FLT4: variants seen among roughly 807,000 people sequenced by gnomAD.
FLT4 encodes the protein vascular endothelial growth factor receptor 3.
A neutral mutation model predicts 163.2 loss-of-function variants in FLT4; 30 were observed. The ratio of observed to expected loss-of-function variants is 0.18; its 90% CI spans 0.14 to 0.25. The LOEUF (loss-of-function observed/expected upper bound fraction) is 0.25, where lower values mean the gene tolerates loss of function less well. Ranked by LOEUF, FLT4 falls within the 10% of genes least tolerant of loss-of-function variation. The pLI is 1.00. For synonymous variants in FLT4, 884 were observed against 789.5 expected, an observed-to-expected ratio of 1.12 and a Z score of -2.01; for missense variants, 1,510 against 1,863.8, an observed-to-expected ratio of 0.81 and a Z score of 3.50.
intron 8 of FLT4, among the ~76,000 whole-genome samples, chr5:180,627,985 C>T (rs905065536): frequency 6.6e-6 from 1 of 152,108 alleles, no homozygotes; most frequent in Non-Finnish European, 1.5e-5. Context: ...GAGAGACGAG[C>T]CCCCAGCCAG....
At chr5:180,622,626 G>A in intron 12 of FLT4, 105 bp downstream of exon 12, 1 of 741,806 alleles carries the variant, frequency 1.3e-6, no homozygotes. Context: ...GTAGGCCTTG[G>A]ATCTCTCTCC....
rs748147847 is a variant in FLT4, at chr5:180,619,378, A to G, written c.2648-12T>C. ...GGCCGTGGCGCCCTCTGGAGGGGAC[A>G]CGGGCCTCACACCGGCCCCGACCCT... On this transcript the variant is annotated splice_polypyrimidine_tract_variant and intron_variant, in intron 18 of 29. Transcript: ENST00000261937. 2.0e-5 allele frequency: 32 copies of G among 1,592,750 alleles called. No individual in the cohort carries two copies. The highest frequency in any genetic ancestry group is 2.6e-5 in the Non-Finnish European group (30 of 1,167,280).
Position 180,603,671 on chromosome 5 carries a change from G to A in FLT4, c.3894-281C>T, listed in dbSNP as rs559013138. ...AATCCCAGCACTTTGCTGGGAGACC[G>A]AGGCGGGCGGATCACGAGGTCAGGA... On this transcript the variant is annotated intron_variant, in intron 29 of 29. Transcript: ENST00000261937. Among the ~76,000 whole-genome samples the A allele has an allele frequency of 9.7e-4, 148 of 152,296 alleles. No homozygotes were observed. The South Asian group carries it at 0.011, about 12-fold the overall frequency.
intron 1 of FLT4, among the ~76,000 whole-genome samples, chr5:180,641,249 C>T (rs1048459137): frequency 4.6e-5 from 7 of 152,210 alleles, no homozygotes; most frequent in African/African-American, 1.4e-4. Flanking sequence ...AGTCATCAAG[C>T]GGCTCCTGGG....
intron 11 of FLT4, 97 bp from the exon 12 acceptor site, chr5:180,622,936 C>G (rs1175014547): frequency 3.8e-6 from 3 of 784,454 alleles, no homozygotes; most frequent in African/African-American, 3.5e-5. Flanking sequence ...CCACCCCCCC[C>G]AATCATGGGG....
intron 22 of FLT4, 38 bp downstream of exon 22, chr5:180,616,861 AC>A (rs747271494): frequency 6.6e-7 from 1 of 1,514,436 alleles, no homozygotes; most frequent in Non-Finnish European, 9.2e-7. Context: ...GTGGGGATGC[AC>A]CCTTTTCCCG....
Position 180,618,696 on chromosome 5 carries a change from G to A in FLT4, c.3001+74C>T, listed in dbSNP as rs1033737444. 1.2e-5 allele frequency: 4 copies of A among 339,340 alleles called. No individual in the cohort carries two copies. The Admixed American group carries it at 2.6e-4, about 22-fold the overall frequency. The allele number at this position is 339,340 out of a possible 1,614,324, so 21.0% of individuals were successfully genotyped here. A position where few individuals can be genotyped will look rare whatever the true frequency, so the allele number is the denominator to read the frequency against. ...ATGAAAGCCCCCGCTGAGGACCCCA[G>A]GCTGGGGTGCCTGATCACGGGATAT... On this transcript the variant is annotated intron_variant, in intron 21 of 29. Coordinates refer to ENST00000261937, the MANE Select transcript of FLT4 (RefSeq NM_182925.5).
intron 1 of FLT4, among the ~76,000 whole-genome samples, chr5:180,642,967 C>T (rs574445596): frequency 6.6e-6 from 1 of 152,308 alleles, no homozygotes; most frequent in South Asian, 2.1e-4. Flanking sequence ...CGGTTGCCTC[C>T]GTATTGCCAC....
intron 1 of FLT4, among the ~76,000 whole-genome samples, chr5:180,647,466 C>T (rs1276812329): frequency 1.3e-5 from 2 of 152,094 alleles, no homozygotes; most frequent in African/African-American, 4.8e-5. Flanking sequence ...AGAGGCAGGA[C>T]AAGAGTCTGG....
chr5:180,603,252 G>T lies in FLT4; in HGVS notation c.4032C>A (p.Ser1344Arg), dbSNP rs748126753. Residue 1344 changes from serine to arginine, a missense_variant, in exon 30 of 30, where the codon AGC (serine) becomes AGA (arginine). By Grantham distance (110) the Ser-to-Arg change is moderately radical. Transcript: ENST00000261937. ...NSEYGELSEP[S>R]EEDHCSPSAR... The stretch of plus-strand genomic sequence containing the variant: ...CAGACGGGGAGCAGTGGTCCTCCTC[G>T]CTTGGCTCCGACAGCTCCCCATACT... 1.2e-6 allele frequency: 2 copies of T among 1,614,168 alleles called. No homozygotes were observed. The highest frequency in any genetic ancestry group is 2.2e-5 in the South Asian group (2 of 91,080).
At chr5:180,607,402 C>G (rs545915430) in intron 29 of FLT4, among the ~76,000 whole-genome samples, 1 of 151,924 alleles carries the variant, frequency 6.6e-6, no homozygotes, top group East Asian at 1.9e-4. Flanking sequence ...TTTGGGAGGC[C>G]GAGGGCGGGC....
intron 29 of FLT4, chr5:180,608,199 A>G (rs961879452): frequency 4.3e-6 from 3 of 700,524 alleles, no homozygotes; most frequent in Non-Finnish European, 7.8e-6. Flanking sequence ...AGAAATAGCG[A>G]AAGTCTTAAA....
rs539645184 is a variant in FLT4, at chr5:180,620,113, G to C, written c.2542+60C>G. 9.7e-5 allele frequency: 153 copies of C among 1,571,918 alleles called. No homozygotes were observed. In the South Asian group the frequency reaches 1.5e-3, roughly 15 times the overall value. ...GAAAATGGAGGGATTCAGGCACTCC[G>C]GCCTGCAGCAGGTGGGTCGGGCAGG... On this transcript the variant is annotated intron_variant, in intron 17 of 29. Transcript: ENST00000261937. This position sits in a 1 kb window ranked among gnomAD's most constrained non-coding sequence, Gnocchi z 4.4.
chr5:180,620,595 G>A lies in FLT4; in HGVS notation c.2406+14C>T, dbSNP rs773536676. On this transcript the variant is annotated intron_variant, in intron 16 of 29. Coordinates refer to ENST00000261937, the MANE Select transcript of FLT4 (RefSeq NM_182925.5). This position sits in a 1 kb window ranked among gnomAD's most constrained non-coding sequence, Gnocchi z 4.4. ...CTGAGAGAGACTCCATCAGGAGCGG[G>A]GAGGGACACTCACCCTCCTCATGTT... 1.4e-5 allele frequency: 22 copies of A among 1,583,264 alleles called. No individual in the cohort carries two copies. The highest frequency in any genetic ancestry group is 1.9e-5 in the Non-Finnish European group (22 of 1,152,894).
At position 180,628,940 on chromosome 5, in the gene FLT4, C is replaced by G; in HGVS notation, c.1045G>C (p.Asp349His). ...KGPILEATAG[D>H]ELVKLPVKLA... is the part of the protein sequence containing the mutation. ...TTCACGGGCAGCTTCACCAGCTCGT[C>G]TCCTGCCGTGGCCTCCAGGATGGGT... The change falls in exon 8 of 30, where the codon GAC (aspartate) becomes CAC (histidine). Residue 349 changes from aspartate (D) to histidine (H), a missense_variant. Asp to His is a moderately conservative substitution (Grantham distance 81). Transcript: ENST00000261937. The G allele has an allele frequency of 6.2e-7, 1 of 1,612,816 alleles. No homozygotes were observed.
chr5:180,609,100 C>T (rs1180388629), intron 28 of FLT4, 47 bp from the exon 29 acceptor site: 2 of 1,538,792 alleles, frequency 1.3e-6, no homozygotes, highest in East Asian at 4.5e-5. Context: ...CTGAGGCCCT[C>T]CTGCAGGGCA....
At chr5:180,611,545 A>AGCCCTCGCCCCCG in intron 26 of FLT4, 66 bp from the exon 27 acceptor site, 1 of 1,426,212 alleles carries the variant, frequency 7.0e-7, no homozygotes, top group Non-Finnish European at 9.4e-7. Context: ...CCTCGCCCCC[A>AGCCCTCGCCCCCG]CCCTCAGCCC....
intron 1 of FLT4, among the ~76,000 whole-genome samples, chr5:180,645,582 C>T (rs905292776): frequency 2.6e-5 from 4 of 151,984 alleles, no homozygotes; most frequent in African/African-American, 4.8e-5. Context: ...GGCCACGTGG[C>T]GGGCCTCCCC....
intron 8 of FLT4, among the ~76,000 whole-genome samples, 188 bp from the exon 9 acceptor site, chr5:180,626,453 A>G (rs1272018045): frequency 2.6e-5 from 4 of 152,176 alleles, no homozygotes; most frequent in Non-Finnish European, 4.4e-5. Flanking sequence ...CGTATCTGCC[A>G]GGTGTGACAA....
Sources: allele counts gnomAD v4.1 joint callset (sites outside exome capture counted in the v4.1 genomes callset), GRCh38; gene constraint gnomAD v4.1.1; non-coding constraint Gnocchi (gnomAD v3.1); transcripts MANE v1.5; gene names NCBI Gene and HGNC (gene_info 2026-07-23, HGNC 2026-07-21).